TAS2R1: variants seen among roughly 807,000 people sequenced by gnomAD.
TAS2R1 encodes taste receptor type 2 member 1.
For missense variants in TAS2R1, 370 were observed against 353.4 expected, an observed-to-expected ratio of 1.05 and a Z score of -0.38; for synonymous variants, 141 against 134.2, an observed-to-expected ratio of 1.05 and a Z score of -0.35.
chr5:9,738,044 C>T, the TAS2R1 span, among the ~76,000 whole-genome samples: 2 of 152,190 alleles, frequency 1.3e-5, no homozygotes, highest in African/African-American at 2.4e-5. Context: ...TGAAGAACTA[C>T]GTTCTCTGGC....
At chr5:9,758,840 TC>T in the TAS2R1 span, among the ~76,000 whole-genome samples, 1 of 152,218 alleles carries the variant, frequency 6.6e-6, no homozygotes, top group African/African-American at 2.4e-5. Context: ...CCCTGGGGCT[TC>T]TAAACTAATA....
chr5:9,813,530 C>T, the TAS2R1 span, among the ~76,000 whole-genome samples: 1 of 152,134 alleles, frequency 6.6e-6, no homozygotes, highest in Non-Finnish European at 1.5e-5. Context: ...GGCAGGGCCA[C>T]ACCACAGTTG....
chr5:9,765,443 TA>T, the TAS2R1 span: 26 of 151,174 alleles, frequency 1.7e-4, no homozygotes, highest in Non-Finnish European at 4.4e-5. Context: ...TAGGTATGAA[TA>T]AATGCTGGTC....
chr5:9,687,154 T>G (rs194068), intron 1 of TAS2R1, among the ~76,000 whole-genome samples: 46,459 of 151,938 alleles, frequency 0.31, 8,730 homozygotes, highest in Non-Finnish European at 0.43. Context: ...TAGTACAAAA[T>G]TAGACAGAGT....
At chr5:9,787,663 A>G in the TAS2R1 span, among the ~76,000 whole-genome samples, 1 of 152,180 alleles carries the variant, frequency 6.6e-6, no homozygotes, top group African/African-American at 2.4e-5. Context: ...CCAAACAATT[A>G]AGGACCTAAC....
chr5:9,829,536 T>C, the TAS2R1 span, among the ~76,000 whole-genome samples: 1 of 152,206 alleles, frequency 6.6e-6, no homozygotes, highest in Non-Finnish European at 1.5e-5. Context: ...ACCAAATTAA[T>C]TGTACTGTGA....
the TAS2R1 span, among the ~76,000 whole-genome samples, chr5:9,788,064 T>A: frequency 6.6e-6 from 1 of 152,218 alleles, no homozygotes; most frequent in African/African-American, 2.4e-5. Context: ...TGTGCCAGAA[T>A]CATGGGGTGT....
At chr5:9,902,163 TCTA>T in the TAS2R1 span, among the ~76,000 whole-genome samples, 17 of 152,226 alleles carry the variant, frequency 1.1e-4, no homozygotes, top group Middle Eastern at 3.4e-3. Context: ...AATACCATGC[TCTA>T]CTATTTAGCC....
the TAS2R1 span, among the ~76,000 whole-genome samples, chr5:9,840,598 C>T: frequency 6.6e-6 from 1 of 151,868 alleles, no homozygotes; most frequent in African/African-American, 2.4e-5. Flanking sequence ...TCTATATATT[C>T]CTATATATTT....
At chr5:9,894,404 C>CAAAAACAAAAACAA in the TAS2R1 span, among the ~76,000 whole-genome samples, 2 of 129,944 alleles carry the variant, frequency 1.5e-5, no homozygotes, top group African/African-American at 5.7e-5. Flanking sequence ...AAAACAAAAA[C>CAAAAACAAAAACAA]AAAAAAAAAC....
At chr5:9,798,265 A>T in the TAS2R1 span, among the ~76,000 whole-genome samples, 1 of 152,354 alleles carries the variant, frequency 6.6e-6, no homozygotes, top group East Asian at 1.9e-4. Flanking sequence ...ACAAATGGAC[A>T]TGAGGAATGT....
the TAS2R1 span, among the ~76,000 whole-genome samples, chr5:9,723,776 T>C: frequency 2.6e-5 from 4 of 152,266 alleles, no homozygotes; most frequent in Admixed American, 2.6e-4. Flanking sequence ...GCTGGCATGA[T>C]GACCAGTTGT....
At chr5:9,714,905 A>T (rs1734772593), upstream of TAS2R1, among the ~76,000 whole-genome samples, 1 of 152,276 alleles carries the variant, frequency 6.6e-6, no homozygotes. Flanking sequence ...GCATATGTAC[A>T]TACAGTATCT....
At chr5:9,783,582 T>C in the TAS2R1 span, among the ~76,000 whole-genome samples, 4 of 152,354 alleles carry the variant, frequency 2.6e-5, no homozygotes, top group East Asian at 7.7e-4. Context: ...ATTACAACAT[T>C]GTAAATTATT....
Position 9,684,508 on chromosome 5 carries a change from C to A in TAS2R1, c.-241-24927G>T, listed in dbSNP as rs141449695. On this transcript the variant is annotated intron_variant, in intron 1 of 2. Transcript: ENST00000506620. ...GCACTGAAGGGTGGATACACAATAG[C>A]TTACTGTATATTTTCTCCTTTTTGA... is the stretch of plus-strand genomic sequence containing the variant. Among the ~76,000 whole-genome samples, 188 of 152,244 alleles carry A rather than the reference C, an allele frequency of 1.2e-3. 1 individual carries two copies. Among genetic ancestry groups the A allele is most frequent in the African/African-American group, 4.3e-3 (180 of 41,560 alleles).
At chr5:9,710,538 A>G (rs1220356897) in intron 1 of TAS2R1, among the ~76,000 whole-genome samples, 1 of 152,242 alleles carries the variant, frequency 6.6e-6, no homozygotes, top group Non-Finnish European at 1.5e-5. Context: ...ATAAAAAGCT[A>G]GAAAAGGTTT....
the TAS2R1 span, among the ~76,000 whole-genome samples, chr5:9,735,804 C>T: frequency 3.9e-5 from 6 of 152,304 alleles, no homozygotes; most frequent in South Asian, 1.2e-3. Flanking sequence ...TAAGAACCTG[C>T]AAAGTTACCT....
the TAS2R1 span, among the ~76,000 whole-genome samples, chr5:9,817,142 C>T: frequency 6.6e-6 from 1 of 152,128 alleles, no homozygotes; most frequent in South Asian, 2.1e-4. Flanking sequence ...GATTTTAAGC[C>T]CACATGTCAC....
chr5:9,785,480 G>A, the TAS2R1 span, among the ~76,000 whole-genome samples: 1,479 of 152,276 alleles, frequency 9.7e-3, 26 homozygotes, highest in African/African-American at 0.034. Flanking sequence ...ATTATCTTAA[G>A]ACACTTGGGG....
Sources: gnomAD v4.1 joint callset for allele counts (sites outside exome capture counted in the v4.1 genomes callset) on GRCh38, gnomAD v4.1.1 for gene constraint, MANE v1.5 for transcripts, NCBI Gene and HGNC (gene_info 2026-07-23, HGNC 2026-07-21) for gene names.